Variants in FMN1 observed in about 807,000 individuals in gnomAD.
FMN1 encodes the protein formin-1.
In FMN1, 110 loss-of-function variants were observed where a neutral mutation model predicts 132.4. That is an observed-to-expected ratio of 0.83 (90% confidence interval 0.71 to 0.97). The LOEUF (loss-of-function observed/expected upper bound fraction) is 0.97, where lower values mean the gene tolerates loss of function less well. Among genes scored for constraint, FMN1 ranks in the 50% least tolerant of loss-of-function variants. FMN1 has a pLI of 0.00. For missense variants in FMN1, 1,792 were observed against 1,705.3 expected (o/e 1.05, Z -0.90); for synonymous variants, 722 against 651.7 (o/e 1.11, Z -1.64).
chr15:33,018,242 T>C (rs999606070), intron 6 of FMN1, among the ~76,000 whole-genome samples: 8 of 152,074 alleles, frequency 5.3e-5, no homozygotes, highest in Non-Finnish European at 7.4e-5. Context: ...TCCTGACAAT[T>C]TCTAAAATCC....
At chr15:32,776,161 A>G (rs1193707883) in intron 20 of FMN1, among the ~76,000 whole-genome samples, 2 of 152,250 alleles carry the variant, frequency 1.3e-5, no homozygotes, top group Admixed American at 6.5e-5. Context: ...TTTAAGTGGC[A>G]GAGCTGTGAT....
chr15:32,796,064 G>C (rs983727005), intron 19 of FMN1, among the ~76,000 whole-genome samples: 4 of 152,192 alleles, frequency 2.6e-5, no homozygotes, highest in South Asian at 2.1e-4. Flanking sequence ...GTATGTTACA[G>C]ATTATTCTGG....
At chr15:33,130,756 G>T (rs1963506760) in intron 4 of FMN1, among the ~76,000 whole-genome samples, 1 of 152,180 alleles carries the variant, frequency 6.6e-6, no homozygotes, top group Non-Finnish European at 1.5e-5. Flanking sequence ...ATTCGTTTCA[G>T]AGTCAAAACA....
intron 9 of FMN1, among the ~76,000 whole-genome samples, chr15:32,952,054 T>A (rs1471787657): frequency 2.0e-5 from 3 of 152,228 alleles, no homozygotes; most frequent in African/African-American, 7.2e-5. Flanking sequence ...TGCAGGTCTG[T>A]GAGTTCTACC....
At chr15:33,011,718 C>G (rs191113646) in intron 6 of FMN1, among the ~76,000 whole-genome samples, 178 of 146,628 alleles carry the variant, frequency 1.2e-3, no homozygotes, top group Non-Finnish European at 2.2e-3. Context: ...CAATCAAGAT[C>G]TAGTGTAAAT....
At chr15:32,955,824 T>TGC (rs2061754058) in intron 9 of FMN1, among the ~76,000 whole-genome samples, 1 of 151,958 alleles carries the variant, frequency 6.6e-6, no homozygotes, top group South Asian at 2.1e-4. Context: ...TGTGTGTGTG[T>TGC]GTGCGTGCGC....
At chr15:32,982,874 T>A (rs1360380643) in intron 7 of FMN1, among the ~76,000 whole-genome samples, 1 of 152,164 alleles carries the variant, frequency 6.6e-6, no homozygotes, top group East Asian at 1.9e-4. Flanking sequence ...AGACCACAGC[T>A]ATACTGTCGG....
intron 17 of FMN1, among the ~76,000 whole-genome samples, chr15:32,813,778 G>A (rs1406494259): frequency 2.0e-5 from 3 of 152,200 alleles, no homozygotes; most frequent in Non-Finnish European, 2.9e-5. Flanking sequence ...GGATACCCAA[G>A]TAGATGAAGC....
Position 32,896,519 on chromosome 15 carries a change from A to G in FMN1, c.3714+2315T>C, listed in dbSNP as rs146872657. ...TTGTTAGCCATGTGTATTATTGTAC[A>G]GATCTCTAGAACTTCTTCATCTTAC... is the stretch of plus-strand genomic sequence containing the variant. On this transcript the variant is annotated intron_variant, in intron 15 of 20. Transcript: ENST00000616417. Among the ~76,000 whole-genome samples the G allele has an allele frequency of 1.3e-3, 198 of 152,242 alleles. 1 individual carries two copies. The highest frequency in any genetic ancestry group is 8.8e-5 in the Non-Finnish European group (6 of 67,982).
intron 15 of FMN1, among the ~76,000 whole-genome samples, chr15:32,890,236 C>T (rs187994756): frequency 1.2e-4 from 19 of 152,274 alleles, no homozygotes; most frequent in Non-Finnish European, 1.5e-4. Flanking sequence ...TAAACATGCA[C>T]GTGCAAGTAT....
intron 7 of FMN1, among the ~76,000 whole-genome samples, chr15:32,982,164 A>G (rs557879366): frequency 1.1e-3 from 174 of 152,264 alleles, no homozygotes; most frequent in Non-Finnish European, 2.1e-3. Context: ...TCATCTCAAC[A>G]GGAAGACACA....
chr15:32,938,021 A>T (rs2061318416), intron 9 of FMN1, among the ~76,000 whole-genome samples: 1 of 152,104 alleles, frequency 6.6e-6, no homozygotes, highest in Non-Finnish European at 1.5e-5. Context: ...GTGTGAGGAG[A>T]ATGTATTGGA....
At chr15:33,134,002 G>T (rs533191581) in intron 4 of FMN1, among the ~76,000 whole-genome samples, 20 of 152,172 alleles carry the variant, frequency 1.3e-4, no homozygotes, top group African/African-American at 4.8e-4. Context: ...CTCCCAGGCT[G>T]GAGTGCAGTG....
At chr15:33,008,651 G>A (rs2034544072) in intron 6 of FMN1, among the ~76,000 whole-genome samples, 1 of 152,224 alleles carries the variant, frequency 6.6e-6, no homozygotes, top group Admixed American at 6.5e-5. Flanking sequence ...ATAAATTTCT[G>A]GTCCAATTTT....
chr15:33,131,623 C>A (rs1344539471), intron 4 of FMN1, among the ~76,000 whole-genome samples: 1 of 152,120 alleles, frequency 6.6e-6, no homozygotes, highest in Non-Finnish European at 1.5e-5. Context: ...TACAACTACC[C>A]CACTGTGAGT....
chr15:33,059,545 G>A (rs1470060493), intron 6 of FMN1, among the ~76,000 whole-genome samples: 2 of 151,918 alleles, frequency 1.3e-5, no homozygotes, highest in Non-Finnish European at 2.9e-5. Flanking sequence ...TTTCCTTGTT[G>A]GATCTTTAGA....
chr15:33,149,261 A>G (rs554239514), intron 4 of FMN1, among the ~76,000 whole-genome samples: 5 of 152,252 alleles, frequency 3.3e-5, no homozygotes, highest in African/African-American at 1.2e-4. Context: ...TACCAAACAT[A>G]TATATTTATA....
intron 6 of FMN1, among the ~76,000 whole-genome samples, chr15:33,057,996 G>GGTGGAAAGGCGTGGCGGGGCTGGTA (rs1236915465): frequency 6.0e-5 from 9 of 149,830 alleles, no homozygotes; most frequent in Admixed American, 3.3e-4. Context: ...TGGGGCTGGT[G>GGTGGAAAGGCGTGGCGGGGCTGGTA]GTGGAAAGGC....
chr15:32,855,831 T>C (rs1479197137), intron 17 of FMN1, among the ~76,000 whole-genome samples: 6 of 152,368 alleles, frequency 3.9e-5, no homozygotes, highest in Middle Eastern at 3.4e-3. Flanking sequence ...AGTATAATTA[T>C]ACAGCAATGC....
Sources: allele counts gnomAD v4.1 joint callset (sites outside exome capture counted in the v4.1 genomes callset), GRCh38; gene constraint gnomAD v4.1.1; transcripts MANE v1.5; gene names NCBI Gene and HGNC (gene_info 2026-07-23, HGNC 2026-07-21).